The following GSG1L variants were observed in gnomAD, a reference collection of about 807,000 sequenced individuals.
GSG1L encodes the protein germ cell-specific gene 1-like protein.
In GSG1L, 24 loss-of-function variants were observed where a neutral mutation model predicts 42.1. That is an observed-to-expected ratio of 0.57 (90% CI 0.41 to 0.80). The LOEUF (loss-of-function observed/expected upper bound fraction) is 0.80, where lower values mean the gene tolerates loss of function less well. GSG1L is among the 30% of genes least tolerant of loss of function. GSG1L has a pLI of 0.00. For synonymous variants in GSG1L, 215 were observed against 203.5 expected, an observed-to-expected ratio of 1.06 and a Z score of -0.48; for missense variants, 445 against 472.2, an observed-to-expected ratio of 0.94 and a Z score of 0.53.
At chr16:27,960,555 C>T (rs1192607079) in intron 2 of GSG1L, among the ~76,000 whole-genome samples, 1 of 152,110 alleles carries the variant, frequency 6.6e-6, no homozygotes, top group Non-Finnish European at 1.5e-5. Context: ...TCCAACCCCG[C>T]ACACTTGTTC....
chr16:27,918,393 C>T (rs1319331146), intron 2 of GSG1L, among the ~76,000 whole-genome samples: 1 of 152,264 alleles, frequency 6.6e-6, no homozygotes, highest in East Asian at 1.9e-4. Flanking sequence ...CGTGGTGGCT[C>T]ATGCTTATAA....
At chr16:28,060,622 A>G (rs948286665) in intron 1 of GSG1L, among the ~76,000 whole-genome samples, 26 of 152,116 alleles carry the variant, frequency 1.7e-4, no homozygotes, top group Non-Finnish European at 3.2e-4. Flanking sequence ...CAACTGTACT[A>G]TTCTCTTCCG....
chr16:28,042,612 G>A (rs990383128), intron 1 of GSG1L, among the ~76,000 whole-genome samples: 3 of 152,060 alleles, frequency 2.0e-5, no homozygotes, highest in Admixed American at 6.6e-5. Context: ...TATGAGCAAA[G>A]GGTAGGCCTA....
In GSG1L at chr16:27,865,465, C is replaced by T. The variant is rs183695893; in HGVS notation, c.550+19021G>A. ...GGTGGGGAGTGGAGGTGGAAGTGGC[C>T]GCACTGGATAAATGTCAACCACAGA... is the stretch of plus-strand genomic sequence containing the variant. On this transcript the variant is annotated intron_variant, in intron 3 of 6. Coordinates refer to ENST00000447459, the MANE Select transcript of GSG1L (RefSeq NM_001109763.2). 4.0e-4 allele frequency among the ~76,000 whole-genome samples: 60 copies of T among 148,346 alleles called. 1 individual carries two copies. In the East Asian group the frequency reaches 0.011, roughly 28 times the overall value.
chr16:27,818,043 G>T (rs2083115799), intron 5 of GSG1L, among the ~76,000 whole-genome samples: 1 of 152,158 alleles, frequency 6.6e-6, no homozygotes, highest in South Asian at 2.1e-4. Flanking sequence ...TCTAAGGTGG[G>T]GTCTGAGATT....
chr16:27,948,141 A>G (rs2084906058), intron 2 of GSG1L, among the ~76,000 whole-genome samples: 1 of 152,182 alleles, frequency 6.6e-6, no homozygotes. Context: ...GGGGACAGGA[A>G]GTAAAATGGC....
Position 27,956,885 on chromosome 16 carries a change from G to A in GSG1L, c.397+6271C>T, listed in dbSNP as rs184559801. Among the ~76,000 whole-genome samples the A allele has an allele frequency of 1.2e-3, 184 of 152,124 alleles. 1 individual carries two copies. The highest frequency in any genetic ancestry group is 4.3e-3 in the African/African-American group (180 of 41,502). Reference sequence around the variant, plus strand: ...TAGCTCGTTACATAACATTATTGTTGGTCTTACTGGCCAATGCACCAGGTT... The same window carrying A: ...TAGCTCGTTACATAACATTATTGTTAGTCTTACTGGCCAATGCACCAGGTT... On this transcript the variant is annotated intron_variant, in intron 2 of 6. Transcript: ENST00000447459.
intron 3 of GSG1L, among the ~76,000 whole-genome samples, chr16:27,855,125 G>A (rs2083561374): frequency 6.6e-6 from 1 of 152,128 alleles, no homozygotes; most frequent in Non-Finnish European, 1.5e-5. Flanking sequence ...CCGTGATGGT[G>A]GAATTGATGA....
chr16:28,007,217 T>C (rs1049158922), intron 1 of GSG1L, among the ~76,000 whole-genome samples: 4 of 151,976 alleles, frequency 2.6e-5, no homozygotes, highest in African/African-American at 9.7e-5. Context: ...TCCAGGTGGG[T>C]CCGAAGTAAT....
intron 3 of GSG1L, among the ~76,000 whole-genome samples, chr16:27,846,323 C>T (rs1286408752): frequency 2.0e-5 from 3 of 152,132 alleles, no homozygotes; most frequent in Non-Finnish European, 2.9e-5. Flanking sequence ...GAAGCTGTTC[C>T]TGCTCAGAAG....
intron 1 of GSG1L, among the ~76,000 whole-genome samples, chr16:27,981,224 G>T (rs2069491386): frequency 6.6e-6 from 1 of 152,198 alleles, no homozygotes; most frequent in African/African-American, 2.4e-5. Flanking sequence ...CTGGTTCCGA[G>T]ACCCAGATTC....
At chr16:27,999,097 G>A (rs774223368) in intron 1 of GSG1L, among the ~76,000 whole-genome samples, 10 of 152,092 alleles carry the variant, frequency 6.6e-5, no homozygotes, top group Admixed American at 2.6e-4. Flanking sequence ...TCAACCACAC[G>A]TCCCCACCAT....
chr16:28,055,478 A>AT (rs111334553), intron 1 of GSG1L, among the ~76,000 whole-genome samples: 31,527 of 145,298 alleles, frequency 0.22, 4,009 homozygotes, highest in East Asian at 0.31. Flanking sequence ...ATTTTTTTTA[A>AT]TTTTTTTTTT....
At chr16:27,975,111 A>G (rs2085236518) in intron 1 of GSG1L, among the ~76,000 whole-genome samples, 1 of 152,078 alleles carries the variant, frequency 6.6e-6, no homozygotes, top group Admixed American at 6.5e-5. Context: ...ACATGTTCCC[A>G]GAGGATGCTG....
chr16:28,031,889 C>G (rs78342564), intron 1 of GSG1L, among the ~76,000 whole-genome samples: 1 of 152,230 alleles, frequency 6.6e-6, no homozygotes, highest in Non-Finnish European at 1.5e-5. Context: ...ACAGAGATCA[C>G]GCATTTCCTA....
intron 2 of GSG1L, among the ~76,000 whole-genome samples, chr16:27,895,740 G>T (rs896223644): frequency 1.3e-5 from 2 of 152,180 alleles, no homozygotes; most frequent in African/African-American, 4.8e-5. Flanking sequence ...CCAAGGTCAC[G>T]ACGCTCACTC....
At chr16:27,890,083 G>A (rs2084107138) in intron 2 of GSG1L, among the ~76,000 whole-genome samples, 1 of 152,192 alleles carries the variant, frequency 6.6e-6, no homozygotes. Context: ...GCCACTTGGA[G>A]ACCATATTCT....
At chr16:27,904,011 C>T (rs745814508) in intron 2 of GSG1L, among the ~76,000 whole-genome samples, 6 of 152,176 alleles carry the variant, frequency 3.9e-5, no homozygotes, top group Non-Finnish European at 5.9e-5. Flanking sequence ...CAGGCACACT[C>T]TTGCCTTGGG....
intron 1 of GSG1L, among the ~76,000 whole-genome samples, chr16:28,037,083 G>A (rs1456041680): frequency 1.3e-5 from 2 of 152,192 alleles, no homozygotes; most frequent in Non-Finnish European, 2.9e-5. Context: ...CTGGAGTGCA[G>A]TGGTGTGATC....
Sources: gnomAD v4.1 joint callset for allele counts (sites outside exome capture counted in the v4.1 genomes callset) on GRCh38, gnomAD v4.1.1 for gene constraint, MANE v1.5 for transcripts, NCBI Gene and HGNC (gene_info 2026-07-23, HGNC 2026-07-21) for gene names.